EDRF1: variants seen among roughly 807,000 people sequenced by gnomAD.
The protein encoded by EDRF1 is erythroid differentiation-related factor 1.
EDRF1 carries 69 observed loss-of-function variants against 148.7 expected under a neutral mutation model. The observed-to-expected ratio is 0.46, with a 90% CI of 0.38 to 0.57. The LOEUF (loss-of-function observed/expected upper bound fraction) is 0.57. Among genes scored for constraint, EDRF1 ranks in the 20% least tolerant of loss-of-function variants. EDRF1 has a pLI of 0.00. For synonymous variants in EDRF1, 515 were observed against 532.8 expected (o/e 0.97, Z 0.46); for missense variants, 1,118 against 1,478.7 (o/e 0.76, Z 4.00).
chr10:125,749,722 T>C, intron 22 of EDRF1, 157 bp downstream of exon 22: 1 of 803,296 alleles, frequency 1.2e-6, no homozygotes. Flanking sequence ...AATCACTACA[T>C]GTTTTGAAGT....
At chr10:125,757,269 G>C (rs1849949072) in intron 24 of EDRF1, among the ~76,000 whole-genome samples, 1 of 152,130 alleles carries the variant, frequency 6.6e-6, no homozygotes, top group Non-Finnish European at 1.5e-5. Context: ...TATTTTGGCA[G>C]TTGACCTAGG....
At position 125,747,939 on chromosome 10, in the gene EDRF1, C is replaced by G. The variant is rs773802033; in HGVS notation, c.3050C>G (p.Pro1017Arg). The G allele has an allele frequency of 6.2e-7, 1 of 1,614,152 alleles. No individual in the cohort carries two copies. The highest frequency in any genetic ancestry group is 8.5e-7 in the Non-Finnish European group (1 of 1,180,002). ...CDVDSVSARQPLCQYRAATIH... is the reference protein window; with the variant it reads ...CDVDSVSARQRLCQYRAATIH... ...GTGGATTCAGTGTCTGCTCGACAGCCCCTTTGTCAGTATCGAGCTGCAACC... is the reference window on the plus strand; with the variant it reads ...GTGGATTCAGTGTCTGCTCGACAGCGCCTTTGTCAGTATCGAGCTGCAACC... The change falls in exon 21 of 25, where the codon CCC becomes CGC. Residue 1017 changes from proline to arginine, a missense_variant. Pro to Arg is a moderately radical substitution (Grantham distance 103, BLOSUM62 -2). This residue lies in a region of EDRF1 where 954 missense variants were observed against 1,241.4 expected (regional missense o/e 0.77). Transcript: ENST00000356792.
intron 24 of EDRF1, among the ~76,000 whole-genome samples, chr10:125,754,090 C>T (rs59208141): frequency 0.023 from 3,454 of 151,984 alleles, 135 homozygotes; most frequent in African/African-American, 0.076. Context: ...TGGCGGGCGC[C>T]TGTTAATCCT....
intron 17 of EDRF1, chr10:125,742,168 A>G: frequency 8.4e-6 from 10 of 1,193,348 alleles, no homozygotes; most frequent in Non-Finnish European, 8.9e-6. Context: ...TTTTAAAGTT[A>G]GTTCATAGCC....
At chr10:125,751,276 T>A (rs149959277) in intron 22 of EDRF1, among the ~76,000 whole-genome samples, 1 of 152,358 alleles carries the variant, frequency 6.6e-6, no homozygotes, top group Non-Finnish European at 1.5e-5. Flanking sequence ...GTTTTACTAC[T>A]GTGAGTACTT....
In EDRF1 at chr10:125,738,339, T is replaced by C; in HGVS notation, c.1875T>C (p.Leu625=). 6.2e-7 allele frequency: 1 copy of C among 1,614,054 alleles called. No homozygotes were observed. The highest frequency in any genetic ancestry group is 1.3e-5 in the African/African-American group (1 of 74,990). The change falls in exon 15 of 25, where the codon CTT becomes CTC. Residue 625 remains leucine, a synonymous_variant. Coordinates refer to ENST00000356792, the MANE Select transcript of EDRF1 (RefSeq NM_001202438.2). ...VDSSIKKESD[L]PAADPSTPIP... is the part of the protein sequence containing the mutation. ...GCAGCATCAAAAAAGAAAGCGACCT[T>C]CCAGCAGCTGACCCCAGCACTCCAA...
intron 23 of EDRF1, among the ~76,000 whole-genome samples, 189 bp from the exon 24 acceptor site, chr10:125,753,505 A>G (rs891522662): frequency 1.2e-4 from 19 of 152,124 alleles, no homozygotes; most frequent in Admixed American, 1.3e-4. Flanking sequence ...AAAAGTGCCT[A>G]TTGGGGCTGA....
At chr10:125,749,104 A>G (rs1849517977) in intron 21 of EDRF1, 3 of 383,152 alleles carry the variant, frequency 7.8e-6, no homozygotes, top group Non-Finnish European at 1.5e-5. Flanking sequence ...AAATTAGCCA[A>G]GCAGTAGTGG....
intron 9 of EDRF1, among the ~76,000 whole-genome samples, chr10:125,731,388 G>A (rs1848475811): frequency 6.6e-6 from 1 of 152,156 alleles, no homozygotes; most frequent in South Asian, 2.1e-4. Context: ...TCTTAACTGA[G>A]TCCTGAATGA....
At chr10:125,738,020 G>T (rs771841608) in intron 14 of EDRF1, 31 bp downstream of exon 14, 5 of 1,588,020 alleles carry the variant, frequency 3.1e-6, no homozygotes, top group Non-Finnish European at 4.3e-6. Context: ...CACTTTTTTC[G>T]TAAAGTTTGT....
At chr10:125,744,096 C>T (rs918821660) in intron 18 of EDRF1, among the ~76,000 whole-genome samples, 4 of 151,890 alleles carry the variant, frequency 2.6e-5, no homozygotes, top group African/African-American at 7.3e-5. Context: ...TAGTTGAAGC[C>T]GTGAGAATAG....
chr10:125,738,385 G>A lies in EDRF1; in HGVS notation c.1921G>A (p.Glu641Lys). Residue 641 changes from glutamate (E) to lysine (K), a missense_variant, in exon 15 of 25, where the codon GAA (glutamate) becomes AAA (lysine). Glu to Lys is a moderately conservative substitution (Grantham distance 56). Coordinates refer to ENST00000356792, the MANE Select transcript of EDRF1 (RefSeq NM_001202438.2). The part of the protein sequence containing the change: ...STPIPLKYED[E>K]SSRGGPEGLE... ...TCCAATCCCGTTAAAATATGAAGAT[G>A]AATCCTCAAGAGGGGGTCCCGAGGG... 6.2e-7 allele frequency: 1 copy of A among 1,614,086 alleles called. No homozygotes were observed. The highest frequency in any genetic ancestry group is 8.5e-7 in the Non-Finnish European group (1 of 1,179,996).
chr10:125,757,514 T>C (rs538881488), intron 24 of EDRF1, among the ~76,000 whole-genome samples: 1 of 152,364 alleles, frequency 6.6e-6, no homozygotes, highest in South Asian at 2.1e-4. Flanking sequence ...GGAAATTTTA[T>C]TTACCTTCAT....
At chr10:125,725,918 G>A in intron 6 of EDRF1, 80 bp downstream of exon 6, 9 of 1,263,496 alleles carry the variant, frequency 7.1e-6, no homozygotes, top group Non-Finnish European at 1.0e-5. Flanking sequence ...AAAAAAAAAA[G>A]ATGAACAGGA....
At chr10:125,743,642 C>T (rs964617346) in intron 18 of EDRF1, among the ~76,000 whole-genome samples, 8 of 152,068 alleles carry the variant, frequency 5.3e-5, no homozygotes, top group South Asian at 2.1e-4. Flanking sequence ...GGATGAGTAC[C>T]GACGAAGTAT....
rs1009354135 is a variant in EDRF1 at position 125,721,758 on chromosome 10, C to G, written c.317+346C>G. The stretch of plus-strand genomic sequence containing the variant: ...CAGCTTGGTGCATGAGGAGGAAAAC[C>G]TTGAACATTCCTTCATCTTTCCTGT... On this transcript the variant is annotated intron_variant, in intron 2 of 24. Transcript: ENST00000356792. 2.6e-5 allele frequency among the ~76,000 whole-genome samples: 4 copies of G among 152,010 alleles called. No homozygotes were observed. In the East Asian group the frequency reaches 5.8e-4, roughly 22 times the overall value.
intron 24 of EDRF1, chr10:125,756,843 C>T (rs777181511): frequency 1.3e-4 from 54 of 425,366 alleles, no homozygotes; most frequent in Non-Finnish European, 6.9e-5. Context: ...GACAAGGTCT[C>T]ACTCTGTCAC....
chr10:125,753,996 A>T (rs1367326346), intron 24 of EDRF1, 151 bp downstream of exon 24: 3 of 799,564 alleles, frequency 3.8e-6, no homozygotes, highest in Admixed American at 2.5e-5. Context: ...CAGGCAGATC[A>T]CTTGAGTTCA....
chr10:125,735,195 G>GT (rs869222334), intron 12 of EDRF1, among the ~76,000 whole-genome samples: 70 of 78,932 alleles, frequency 8.9e-4, no homozygotes, highest in Non-Finnish European at 1.5e-3. Flanking sequence ...TAATGTAATG[G>GT]TTTTTTTTTT....
Sources: allele counts gnomAD v4.1 joint callset (sites outside exome capture counted in the v4.1 genomes callset), GRCh38; gene constraint gnomAD v4.1.1; regional missense constraint gnomAD v4.1.1; transcripts MANE v1.5; gene names NCBI Gene and HGNC (gene_info 2026-07-23, HGNC 2026-07-21).